Variants in CIT observed in about 807,000 individuals in gnomAD.
CIT encodes citron Rho-interacting kinase.
A neutral mutation model predicts 272.7 loss-of-function variants in CIT; 79 were observed. The observed-to-expected ratio is 0.29, with a 90% confidence interval of 0.24 to 0.35. The LOEUF is 0.35. CIT is among the 10% of genes least tolerant of loss of function. The pLI, the probability that CIT is intolerant of heterozygous loss-of-function variation, is 1.00. For synonymous variants in CIT, 948 were observed against 995.6 expected, an observed-to-expected ratio of 0.95 and a Z score of 0.90; for missense variants, 1,909 against 2,618.3, an observed-to-expected ratio of 0.73 and a Z score of 5.91.
At position 119,712,514 on chromosome 12, in the gene CIT, G is replaced by C; in HGVS notation, c.4684+77C>G. ...CTCCTTTGCAGAGCCAATCTTCCCTGTACCACCCCTTCTGTCCCTGCTGAT... is the reference window on the plus strand; with the variant it reads ...CTCCTTTGCAGAGCCAATCTTCCCTCTACCACCCCTTCTGTCCCTGCTGAT... On this transcript the variant is annotated intron_variant, in intron 36 of 47. Coordinates refer to ENST00000392521, the MANE Select transcript of CIT (RefSeq NM_001206999.2). This position sits in a 1 kb window ranked among gnomAD's most constrained non-coding sequence, Gnocchi z 5.2. 2 of 1,453,374 alleles carry C rather than the reference G, an allele frequency of 1.4e-6. No homozygotes were observed. Among genetic ancestry groups the C allele is most frequent in the Non-Finnish European group, 1.9e-6 (2 of 1,039,138 alleles). The allele number at this position is 1,453,374 out of a possible 1,614,324, so 90.0% of individuals were successfully genotyped here. A position where few individuals can be genotyped will look rare whatever the true frequency, so the allele number is the denominator to read the frequency against.
At chr12:119,748,579 G>A (rs1241617285) in intron 23 of CIT, among the ~76,000 whole-genome samples, 4 of 152,308 alleles carry the variant, frequency 2.6e-5, no homozygotes, top group Middle Eastern at 3.4e-3. Flanking sequence ...CTATCATGCC[G>A]ATGGCTTACT....
At chr12:119,775,860 A>C in intron 15 of CIT, 21 bp from the exon 16 acceptor site, 5 of 1,602,756 alleles carry the variant, frequency 3.1e-6, no homozygotes, top group Non-Finnish European at 4.3e-6. Flanking sequence ...AATCCCAGGA[A>C]ATAAAGCAAA....
rs368824656 is a variant in CIT at position 119,782,406 on chromosome 12, C to G, written c.1665+112G>C. 27 of 1,264,124 alleles carry G rather than the reference C, an allele frequency of 2.1e-5. 1 individual carries two copies. The South Asian group carries it at 3.7e-4, about 18-fold the overall frequency. 78.3% of individuals were successfully genotyped at this position (1,264,124 alleles called of 1,614,324 possible). On this transcript the variant is annotated intron_variant, in intron 13 of 47. Coordinates refer to ENST00000392521, the MANE Select transcript of CIT (RefSeq NM_001206999.2). ...ACCTGTCTCTCTTCCACTCTGCCCCCACCCTTTCTCTCTCTCCCTTTCTTC... is the reference window on the plus strand; with the variant it reads ...ACCTGTCTCTCTTCCACTCTGCCCCGACCCTTTCTCTCTCTCCCTTTCTTC...
intron 9 of CIT, among the ~76,000 whole-genome samples, chr12:119,816,820 C>T (rs998828015): frequency 6.6e-6 from 1 of 152,170 alleles, no homozygotes; most frequent in African/African-American, 2.4e-5. Context: ...TGACTGTAGC[C>T]CCCAAGGGGA....
chr12:119,868,148 A>C (rs77408661), intron 3 of CIT, among the ~76,000 whole-genome samples: 6,582 of 152,200 alleles, frequency 0.043, 493 homozygotes, highest in African/African-American at 0.15. Flanking sequence ...GCTTGAGCCT[A>C]GAAGGTTGAA....
intron 9 of CIT, among the ~76,000 whole-genome samples, chr12:119,806,166 A>G (rs923815650): frequency 8.7e-5 from 13 of 150,168 alleles, no homozygotes; most frequent in African/African-American, 3.2e-4. Context: ...AAAAAAGGAA[A>G]GAGAAGTCAA....
chr12:119,719,031 G>A, intron 30 of CIT, 170 bp from the exon 31 acceptor site: 1 of 638,666 alleles, frequency 1.6e-6, no homozygotes, highest in Non-Finnish European at 2.6e-6. Flanking sequence ...CTGAGCCACA[G>A]CCCGTTCCAG....
intron 8 of CIT, among the ~76,000 whole-genome samples, chr12:119,824,168 T>C (rs753837164): frequency 6.8e-6 from 1 of 148,128 alleles, no homozygotes; most frequent in East Asian, 2.0e-4. Context: ...CTATATGTAA[T>C]TGTATTTCTA....
At chr12:119,709,959 T>G (rs1390914722) in intron 39 of CIT, among the ~76,000 whole-genome samples, 3 of 152,096 alleles carry the variant, frequency 2.0e-5, no homozygotes, top group African/African-American at 7.2e-5. Context: ...TTCGTTGCAA[T>G]CAGGACAAAG....
At chr12:119,847,423 G>A (rs916028938) in intron 5 of CIT, among the ~76,000 whole-genome samples, 6 of 151,744 alleles carry the variant, frequency 4.0e-5, no homozygotes, top group South Asian at 4.2e-4. Context: ...GCAAAACCCC[G>A]TCTCTACTAA....
rs548653720 is a variant in CIT, at chr12:119,811,616, C to T, written c.1112-8227G>A. ...GGAGATGTGAGCTCTAGCTGGCTCTCGCCATACCCAAAAGCCATGTTCCTA... is the reference window on the plus strand; with the variant it reads ...GGAGATGTGAGCTCTAGCTGGCTCTTGCCATACCCAAAAGCCATGTTCCTA... On this transcript the variant is annotated intron_variant, in intron 9 of 47. Transcript: ENST00000392521. Among the ~76,000 whole-genome samples, 7 of 152,312 alleles carry T rather than the reference C, an allele frequency of 4.6e-5. No individual in the cohort carries two copies. In the East Asian group the frequency reaches 9.7e-4, roughly 21 times the overall value.
chr12:119,819,692 A>G (rs1195087722), intron 9 of CIT, among the ~76,000 whole-genome samples: 1 of 152,256 alleles, frequency 6.6e-6, no homozygotes, highest in Non-Finnish European at 1.5e-5. Flanking sequence ...GCATTTAAGC[A>G]GCATCCATGA....
chr12:119,784,151 A>G lies in CIT; in HGVS notation c.1402-100T>C. 1 of 1,611,678 alleles carries G rather than the reference A, an allele frequency of 6.2e-7. No individual in the cohort carries two copies. The highest frequency in any genetic ancestry group is 8.5e-7 in the Non-Finnish European group (1 of 1,178,704). Reference sequence around the variant, plus strand: ...CGAAACCACCTGGTGGTCTGGGCTAAGGCTAATTCGCCAAAAGTTAAGTTG... The same window carrying G: ...CGAAACCACCTGGTGGTCTGGGCTAGGGCTAATTCGCCAAAAGTTAAGTTG... On this transcript the variant is annotated intron_variant, in intron 11 of 47. Coordinates refer to ENST00000392521, the MANE Select transcript of CIT (RefSeq NM_001206999.2). This position sits in a 1 kb window ranked among gnomAD's most constrained non-coding sequence, Gnocchi z 4.7.
intron 22 of CIT, among the ~76,000 whole-genome samples, chr12:119,753,508 G>A (rs1960523541): frequency 6.6e-6 from 1 of 152,078 alleles, no homozygotes; most frequent in African/African-American, 2.4e-5. Context: ...AGGCCGAGGT[G>A]GGCAGATCAC....
At chr12:119,763,939 A>G (rs1389801968) in intron 19 of CIT, among the ~76,000 whole-genome samples, 2 of 152,246 alleles carry the variant, frequency 1.3e-5, no homozygotes, top group African/African-American at 4.8e-5. Context: ...GATAAAATAT[A>G]AAAAACATTT....
At chr12:119,841,839 T>G (rs1378557265) in intron 5 of CIT, among the ~76,000 whole-genome samples, 3 of 152,128 alleles carry the variant, frequency 2.0e-5, no homozygotes, top group Non-Finnish European at 4.4e-5. Flanking sequence ...GGAACCTGGG[T>G]CCCTGAATTA....
At chr12:119,829,959 GATT>G (rs1214884517) in intron 7 of CIT, among the ~76,000 whole-genome samples, 2 of 151,830 alleles carry the variant, frequency 1.3e-5, no homozygotes, top group Admixed American at 6.6e-5. Flanking sequence ...AGTAAATGTG[GATT>G]ATATTTTATA....
chr12:119,772,590 T>C lies in CIT; in HGVS notation c.2082+180A>G, dbSNP rs203333. Among the ~76,000 whole-genome samples the C allele has an allele frequency of 6.4e-3, 978 of 152,368 alleles. 9 individuals carry two copies. The highest frequency in any genetic ancestry group is 0.022 in the African/African-American group (912 of 41,588). ...GACATCTTTCTACTTGAAGCTGCTATGACAAATCTTTCTTTCCCCTGGGGG... is the reference window on the plus strand; with the variant it reads ...GACATCTTTCTACTTGAAGCTGCTACGACAAATCTTTCTTTCCCCTGGGGG... On this transcript the variant is annotated intron_variant, in intron 17 of 47. Transcript: ENST00000392521.
At chr12:119,776,913 A>T (rs1305577754) in intron 13 of CIT, 71 bp from the exon 14 acceptor site, 1 of 1,502,356 alleles carries the variant, frequency 6.7e-7, no homozygotes, top group Middle Eastern at 2.2e-4. Flanking sequence ...GTGAGGATGG[A>T]AGAGTATTAA....
Sources: gnomAD v4.1 joint callset for allele counts (sites outside exome capture counted in the v4.1 genomes callset) on GRCh38, gnomAD v4.1.1 for gene constraint, Gnocchi (gnomAD v3.1) non-coding constraint, MANE v1.5 for transcripts, NCBI Gene and HGNC (gene_info 2026-07-23, HGNC 2026-07-21) for gene names.